The following IFITM2 variants were observed in gnomAD, a reference collection of about 807,000 sequenced individuals.
The protein encoded by IFITM2 is interferon-induced transmembrane protein 2.
A neutral mutation model predicts 5.9 loss-of-function variants in IFITM2; 3 were observed. The observed-to-expected ratio is 0.51, with a 90% CI of 0.23 to 1.32. The LOEUF (loss-of-function observed/expected upper bound fraction) is 1.32. Among genes scored for constraint, IFITM2 ranks in the 40% most tolerant of loss-of-function variants. The pLI is 0.18. For synonymous variants in IFITM2, 76 were observed against 72.4 expected (o/e 1.05, Z -0.25); for missense variants, 159 against 175.9 (o/e 0.90, Z 0.54).
Position 308,230 on chromosome 11 carries a change from G to T in IFITM2, c.38G>T (p.Ser13Ile). The T allele has an allele frequency of 6.2e-7, 1 of 1,614,128 alleles. No homozygotes were observed. ...GTGCAAACCTTCTCTCCTGTCAACA[G>T]CGGCCAGCCTCCCAACTACGAGATG... is the stretch of plus-strand genomic sequence containing the variant. ...HIVQTFSPVN[S>I]GQPPNYEMLK... is the part of the protein sequence containing the mutation. The change falls in exon 1 of 2, where the codon AGC becomes ATC. Residue 13 changes from serine to isoleucine, a missense_variant. By Grantham distance (142) the Ser-to-Ile change is moderately radical. Coordinates refer to ENST00000616316, the MANE Select transcript of IFITM2 (RefSeq NM_006435.3).
intron 1 of IFITM2, 59 bp from the exon 2 acceptor site, chr11:308,954 C>G (rs1018549369): frequency 2.5e-6 from 4 of 1,603,516 alleles, no homozygotes; most frequent in Non-Finnish European, 3.4e-6. Context: ...GAGCTGGAGC[C>G]ATAGCACGCG....
Position 308,311 on chromosome 11 carries a change from C to T in IFITM2, c.119C>T (p.Pro40Leu), listed in dbSNP as rs762515860. 13 of 1,613,822 alleles carry T rather than the reference C, an allele frequency of 8.1e-6. No individual in the cohort carries two copies. The highest frequency in any genetic ancestry group is 2.7e-5 in the African/African-American group (2 of 74,886). ...GGGGTGCCCCACAACCCTGCTCCCC[C>T]GATGTCCACCGTGATCCACATCCGC... ...MLGVPHNPAPPMSTVIHIRSE... is the reference protein window; with the variant it reads ...MLGVPHNPAPLMSTVIHIRSE... Residue 40 changes from proline to leucine, a missense_variant, in exon 1 of 2, where the codon CCG (proline) becomes CTG (leucine). Transcript: ENST00000616316.
At position 308,368 on chromosome 11, in the gene IFITM2, G is replaced by T; in HGVS notation, c.176G>T (p.Trp59Leu). 1.2e-6 allele frequency: 2 copies of T among 1,613,744 alleles called. No homozygotes were observed. Among genetic ancestry groups the T allele is most frequent in the South Asian group, 2.2e-5 (2 of 91,048 alleles). The change falls in exon 1 of 2, where the codon TGG becomes TTG. Residue 59 changes from tryptophan (W) to leucine (L), a missense_variant. Physicochemically the swap from Trp to Leu is moderately conservative, Grantham distance 61. Coordinates refer to ENST00000616316, the MANE Select transcript of IFITM2 (RefSeq NM_006435.3). ...SETSVPDHVVWSLFNTLFMNT... is the reference protein window; with the variant it reads ...SETSVPDHVVLSLFNTLFMNT... ...ACCTCCGTGCCTGACCATGTGGTCTGGTCCCTGTTCAACACCCTCTTCATG... is the reference window on the plus strand; with the variant it reads ...ACCTCCGTGCCTGACCATGTGGTCTTGTCCCTGTTCAACACCCTCTTCATG...
chr11:308,068 C>A lies in IFITM2; in HGVS notation c.-125C>A. 1.1e-5 allele frequency: 15 copies of A among 1,313,088 alleles called. No homozygotes were observed. The highest frequency in any genetic ancestry group is 1.6e-5 in the Non-Finnish European group (15 of 939,584). The allele number at this position is 1,313,088 out of a possible 1,614,324, so 81.3% of individuals were successfully genotyped here. On this transcript the variant is annotated 5_prime_UTR_variant, in exon 1 of 2. In the 5' UTR this introduces an upstream ATG that the reference lacks. Transcript: ENST00000616316. The stretch of plus-strand genomic sequence containing the variant: ...CCTCAGGAATTTGTTCTGCCCTTAT[C>A]TGGCCCTGGCCAGCTCTGCATTTGA...
At chr11:308,477 G>A in intron 1 of IFITM2, 39 bp downstream of exon 1, 1 of 1,610,062 alleles carries the variant, frequency 6.2e-7, no homozygotes, top group Non-Finnish European at 8.5e-7. Context: ...GGGTGCCGGT[G>A]AGCCTGGGGC....
chr11:309,380 T>C lies in IFITM2; in HGVS notation c.*215T>C, dbSNP rs1846000501. On this transcript the variant is annotated 3_prime_UTR_variant, in exon 2 of 2. Coordinates refer to ENST00000616316, the MANE Select transcript of IFITM2 (RefSeq NM_006435.3). The stretch of plus-strand genomic sequence containing the variant: ...TTTTCTACAATGGCATTCAATAAAG[T>C]GTATATGTTTCTGGTGCTGCTGTGA... 4.6e-6 allele frequency: 6 copies of C among 1,293,714 alleles called. No individual in the cohort carries two copies. The South Asian group carries it at 8.8e-5, about 19-fold the overall frequency. The allele number at this position is 1,293,714 out of a possible 1,614,324, so 80.1% of individuals were successfully genotyped here.
Position 309,117 on chromosome 11 carries a change from C to A in IFITM2, c.351C>A (p.Thr117=). The A allele has an allele frequency of 6.2e-7, 1 of 1,614,204 alleles. No individual in the cohort carries two copies. Among genetic ancestry groups the A allele is most frequent in the Non-Finnish European group, 8.5e-7 (1 of 1,180,034 alleles). ...IWALILGIFM[T]ILLIIIPVLV... ...CCCTGATTTTGGGCATCTTCATGAC[C>A]ATTCTGCTCATCATCATCCCAGTGT... The change falls in exon 2 of 2, where the codon ACC becomes ACA. Residue 117 remains threonine (T), a synonymous_variant. Coordinates refer to ENST00000616316, the MANE Select transcript of IFITM2 (RefSeq NM_006435.3).
At chr11:308,508 C>T in intron 1 of IFITM2, 70 bp downstream of exon 1, 1 of 1,593,314 alleles carries the variant, frequency 6.3e-7, no homozygotes, top group Non-Finnish European at 8.6e-7. Flanking sequence ...CACATGCTGC[C>T]TGGGGTGGGG....
At position 309,084 on chromosome 11, in the gene IFITM2, C is replaced by T. The variant is rs776183342; in HGVS notation, c.318C>T (p.Asn106=). ...QAYASTAKCL[N]IWALILGIFM... ...ATGCCTCCACCGCCAAGTGCCTGAA[C>T]ATCTGGGCCCTGATTTTGGGCATCT... Residue 106 remains asparagine (N), a synonymous_variant, in exon 2 of 2, where the codon AAC becomes AAT. Coordinates refer to ENST00000616316, the MANE Select transcript of IFITM2 (RefSeq NM_006435.3). The T allele has an allele frequency of 6.8e-6, 11 of 1,614,248 alleles. No homozygotes were observed. The highest frequency in any genetic ancestry group is 8.5e-6 in the Non-Finnish European group (10 of 1,180,040).
rs1180134731 is a variant in IFITM2, at chr11:308,143, G to A, written c.-50G>A. The A allele has an allele frequency of 3.1e-6, 5 of 1,598,722 alleles. No homozygotes were observed. The highest frequency in any genetic ancestry group is 4.5e-5 in the East Asian group (2 of 44,560). On this transcript the variant is annotated 5_prime_UTR_variant, in exon 1 of 2. Transcript: ENST00000616316. ...TGAGAAAACGGAACTACTGGGGAAA[G>A]GGAGGGCTCACTGAGAACCATCCCG...
intron 1 of IFITM2, 49 bp from the exon 2 acceptor site, chr11:308,964 G>A (rs753120477): frequency 5.6e-6 from 9 of 1,603,134 alleles, no homozygotes; most frequent in South Asian, 1.1e-5. Flanking sequence ...CATAGCACGC[G>A]GCTCTCAGCT....
intron 1 of IFITM2, 200 bp from the exon 2 acceptor site, chr11:308,813 T>A: frequency 1.3e-6 from 1 of 742,698 alleles, no homozygotes; most frequent in Non-Finnish European, 2.4e-6. Context: ...CTTCACCCCA[T>A]GGTGGGGAGA....
Position 308,211 on chromosome 11 carries a change from A to C in IFITM2, c.19A>C (p.Thr7Pro), listed in dbSNP as rs1454186977. 1 of 1,613,980 alleles carries C rather than the reference A, an allele frequency of 6.2e-7. No homozygotes were observed. The highest frequency in any genetic ancestry group is 8.5e-7 in the Non-Finnish European group (1 of 1,179,956). Residue 7 changes from threonine (T) to proline (P), a missense_variant, in exon 1 of 2, where the codon ACC (threonine) becomes CCC (proline). By Grantham distance (38) the Thr-to-Pro change is conservative. Transcript: ENST00000616316. MNHIVQ[T>P]FSPVNSGQPP... ...GGTCACCATGAACCACATTGTGCAA[A>C]CCTTCTCTCCTGTCAACAGCGGCCA...
intron 1 of IFITM2, chr11:308,802 A>G: frequency 1.4e-6 from 1 of 734,226 alleles, no homozygotes; most frequent in Non-Finnish European, 2.5e-6. Flanking sequence ...CTCACAGGTG[A>G]CTTCACCCCA....
At position 309,091 on chromosome 11, in the gene IFITM2, G is replaced by A. The variant is rs1845996891; in HGVS notation, c.325G>A (p.Ala109Thr). ...ASTAKCLNIW[A>T]LILGIFMTIL... is the part of the protein sequence containing the mutation. ...CACCGCCAAGTGCCTGAACATCTGG[G>A]CCCTGATTTTGGGCATCTTCATGAC... The change falls in exon 2 of 2, where the codon GCC becomes ACC. Residue 109 changes from alanine to threonine, a missense_variant. Ala to Thr is a moderately conservative substitution (Grantham distance 58). Coordinates refer to ENST00000616316, the MANE Select transcript of IFITM2 (RefSeq NM_006435.3). The A allele has an allele frequency of 6.2e-7, 1 of 1,614,226 alleles. No homozygotes were observed. Among genetic ancestry groups the A allele is most frequent in the South Asian group, 1.1e-5 (1 of 91,092 alleles).
chr11:308,541 G>A, intron 1 of IFITM2, 103 bp downstream of exon 1: 2 of 1,506,180 alleles, frequency 1.3e-6, no homozygotes. Context: ...CTGTGACTGT[G>A]AGTTTGTGTG....
chr11:308,708 G>A (rs1353263877), intron 1 of IFITM2: 1 of 718,778 alleles, frequency 1.4e-6, no homozygotes, highest in Non-Finnish European at 2.5e-6. Flanking sequence ...CTAGCCCAGA[G>A]CAGTTCTCCC....
rs1058964 is a variant in IFITM2 at position 308,426 on chromosome 11, G to C, written c.234G>C (p.Ala78=). ...NTCCLGFIAF[A]YSVKSRDRKM... is the part of the protein sequence containing the mutation. ...GCTGCCTGGGCTTCATAGCATTCGC[G>C]TACTCCGTGAAGGTGCGTATGGCCC... The change falls in exon 1 of 2, where the codon GCG becomes GCC. Residue 78 remains alanine, a synonymous_variant. Transcript: ENST00000616316. 928,147 of 1,611,450 alleles carry C rather than the reference G, an allele frequency of 0.58. 283,651 individuals carry two copies. Among genetic ancestry groups the C allele is most frequent in the East Asian group, 1 (44,814 of 44,856 alleles).
chr11:308,925 G>C, intron 1 of IFITM2, 88 bp from the exon 2 acceptor site: 1 of 1,591,914 alleles, frequency 6.3e-7, no homozygotes, highest in Non-Finnish European at 8.6e-7. Flanking sequence ...TGATCTCAGG[G>C]CAGGGAGGAG....
Sources: gnomAD v4.1 joint callset for allele counts on GRCh38, gnomAD v4.1.1 for gene constraint, MANE v1.5 for transcripts, NCBI Gene and HGNC (gene_info 2026-07-23, HGNC 2026-07-21) for gene names.